The following CYFIP1 variants were observed in gnomAD, a reference collection of about 807,000 sequenced individuals.
The protein encoded by CYFIP1 is cytoplasmic FMR1 interacting protein 1.
A neutral mutation model predicts 163.5 loss-of-function variants in CYFIP1; 58 were observed. The ratio of observed to expected loss-of-function variants is 0.35; its 90% CI spans 0.29 to 0.44. CYFIP1 has a LOEUF of 0.44. Ranked by LOEUF, CYFIP1 falls within the 20% of genes least tolerant of loss-of-function variation. The pLI is 1.00. For synonymous variants in CYFIP1, 663 were observed against 660.7 expected (o/e 1.00, Z -0.05); for missense variants, 1,338 against 1,653.8 (o/e 0.81, Z 3.31).
intron 12 of CYFIP1, among the ~76,000 whole-genome samples, chr15:22,927,571 C>T (rs977847958): frequency 3.3e-5 from 5 of 150,766 alleles, no homozygotes; most frequent in South Asian, 2.1e-4. Flanking sequence ...GCAGAAGGAT[C>T]GCTTGGGGTG....
intron 1 of CYFIP1, among the ~76,000 whole-genome samples, chr15:22,969,787 G>C (rs931782511): frequency 6.6e-6 from 1 of 152,070 alleles, no homozygotes; most frequent in East Asian, 1.9e-4. Flanking sequence ...AAAAATACAA[G>C]TACGGTGAAA....
Position 22,873,235 on chromosome 15 carries a change from A to T in CYFIP1, c.3449+256T>A, listed in dbSNP as rs4354899. Among the ~76,000 whole-genome samples the T allele has an allele frequency of 1.6e-3, 243 of 151,908 alleles. 9 individuals carry two copies. In the East Asian group the frequency reaches 0.042, roughly 26 times the overall value. On this transcript the variant is annotated intron_variant, in intron 29 of 30. Transcript: ENST00000617928. ...CCCTCTGTGATGAATGACTCTATGG[A>T]CCTCCCACCTAGAAAAATGCACGCC...
rs149188482 is a variant in CYFIP1, at chr15:22,946,670, C to T, written c.207+333G>A. 263 of 426,742 alleles carry T rather than the reference C, an allele frequency of 6.2e-4. 2 individuals carry two copies. Among genetic ancestry groups the T allele is most frequent in the African/African-American group, 4.4e-3 (216 of 49,376 alleles). The allele number at this position is 426,742 out of a possible 1,614,324, so 26.4% of individuals were successfully genotyped here. A position where few individuals can be genotyped will look rare whatever the true frequency, so the allele number is the denominator to read the frequency against. On this transcript the variant is annotated intron_variant, in intron 3 of 30. Coordinates refer to ENST00000617928, the MANE Select transcript of CYFIP1 (RefSeq NM_014608.6). ...AAAAAGCAGAACTATAATAACAATG[C>T]AATTCATTTATAAATCTAAATCTCA...
At chr15:22,964,122 A>C (rs947291063) in intron 1 of CYFIP1, among the ~76,000 whole-genome samples, 2 of 151,748 alleles carry the variant, frequency 1.3e-5, no homozygotes, top group African/African-American at 2.4e-5. Flanking sequence ...GGAATGGTTA[A>C]ATCGAGCTAT....
chr15:22,910,756 A>T lies in CYFIP1; in HGVS notation c.2140T>A (p.Tyr714Asn), dbSNP rs772097832. 1 of 1,613,750 alleles carries T rather than the reference A, an allele frequency of 6.2e-7. No homozygotes were observed. Among genetic ancestry groups the T allele is most frequent in the Non-Finnish European group, 8.5e-7 (1 of 1,179,720 alleles). ...YKLADQIFAY[Y>N]KVMAGSLLLD... ...ACTCACCTTCCTGCCATAACCTTAT[A>T]ATAGGCAAATATCTGGTCTGCTAGC... Residue 714 changes from tyrosine to asparagine, a missense_variant, in exon 19 of 31, where the codon TAT becomes AAT. Transcript: ENST00000617928.
chr15:22,879,086 A>G lies in CYFIP1; in HGVS notation c.3042+827T>C, dbSNP rs2059672303. 2.0e-5 allele frequency among the ~76,000 whole-genome samples: 3 copies of G among 151,988 alleles called. No individual in the cohort carries two copies. In the South Asian group the frequency reaches 6.2e-4, roughly 32 times the overall value. ...GGGAGGCGGAGCTTGCAGTGAGCCA[A>G]CATCACGCCACTGCACTCCAGCCGG... On this transcript the variant is annotated intron_variant, in intron 26 of 30. Coordinates refer to ENST00000617928, the MANE Select transcript of CYFIP1 (RefSeq NM_014608.6).
At chr15:22,878,836 T>C (rs9672793) in intron 26 of CYFIP1, among the ~76,000 whole-genome samples, 3,438 of 152,054 alleles carry the variant, frequency 0.023, 138 homozygotes, top group African/African-American at 0.077. Flanking sequence ...GAATGAGCTG[T>C]AGAAAAATAG....
chr15:22,907,644 C>T (rs532713967), intron 21 of CYFIP1, among the ~76,000 whole-genome samples: 11 of 152,360 alleles, frequency 7.2e-5, no homozygotes, highest in African/African-American at 2.4e-4. Context: ...CCAATGACCA[C>T]GCACTGGAGA....
At chr15:22,904,009 TGCACGGAG>T in intron 21 of CYFIP1, 104 bp from the exon 22 acceptor site, 1 of 1,079,848 alleles carries the variant, frequency 9.3e-7, no homozygotes, top group Non-Finnish European at 1.4e-6. Context: ...CTGGCAGGGC[TGCACGGAG>T]GCAGCCCCCA....
chr15:22,882,000 G>A (rs983839902), intron 24 of CYFIP1, 64 bp from the exon 25 acceptor site: 30 of 1,413,738 alleles, frequency 2.1e-5, no homozygotes, highest in African/African-American at 1.4e-4. Flanking sequence ...GCCTGTGGCC[G>A]GCGCATACCC....
At chr15:22,947,859 C>T (rs963621690) in intron 1 of CYFIP1, 1 of 843,524 alleles carries the variant, frequency 1.2e-6, no homozygotes, top group African/African-American at 1.8e-5. Flanking sequence ...AAGTGCCACA[C>T]CGCAGCTGGA....
At chr15:22,959,808 G>T (rs968320596) in intron 1 of CYFIP1, among the ~76,000 whole-genome samples, 1 of 152,190 alleles carries the variant, frequency 6.6e-6, no homozygotes, top group Non-Finnish European at 1.5e-5. Context: ...CAGCCTCTCA[G>T]GTTCTCCTCT....
intron 3 of CYFIP1, among the ~76,000 whole-genome samples, chr15:22,945,479 C>T (rs1471930348): frequency 1.3e-5 from 2 of 152,214 alleles, no homozygotes; most frequent in African/African-American, 4.8e-5. Context: ...TGCTGTAAAA[C>T]TGCTTTTGCT....
intron 1 of CYFIP1, among the ~76,000 whole-genome samples, chr15:22,948,184 A>G (rs1567016900): frequency 6.6e-6 from 1 of 152,160 alleles, no homozygotes; most frequent in Non-Finnish European, 1.5e-5. Context: ...GAAGCTCTCC[A>G]GGGACCCAGG....
intron 23 of CYFIP1, among the ~76,000 whole-genome samples, chr15:22,889,969 G>A (rs2060028451): frequency 6.6e-6 from 1 of 152,066 alleles, no homozygotes; most frequent in African/African-American, 2.4e-5. Flanking sequence ...ATCCTTTAAA[G>A]AAACATCCTT....
rs114650489 is a variant in CYFIP1 at position 22,936,097 on chromosome 15, T to G, written c.900+1007A>C. Among the ~76,000 whole-genome samples the G allele has an allele frequency of 2.4e-3, 367 of 152,066 alleles. 3 individuals are homozygous for G. Among genetic ancestry groups the G allele is most frequent in the Middle Eastern group, 0.02 (6 of 294 alleles). On this transcript the variant is annotated intron_variant, in intron 9 of 30. Coordinates refer to ENST00000617928, the MANE Select transcript of CYFIP1 (RefSeq NM_014608.6). ...GACCAGCCTGGGCAACATAGGGAGA[T>G]CTCGTTGCTACTAAAAGTTTAAAAA...
At chr15:22,963,956 C>T (rs1457689350) in intron 1 of CYFIP1, among the ~76,000 whole-genome samples, 2 of 151,990 alleles carry the variant, frequency 1.3e-5, no homozygotes, top group African/African-American at 4.8e-5. Context: ...TGCAAAAGAG[C>T]TGGGTTTTGT....
chr15:22,931,245 C>T (rs1490232138), intron 11 of CYFIP1, among the ~76,000 whole-genome samples: 2 of 152,178 alleles, frequency 1.3e-5, no homozygotes, highest in Admixed American at 6.5e-5. Context: ...CCCTAAAACC[C>T]GCAGTCCCTG....
At chr15:22,880,153 G>C in intron 25 of CYFIP1, 110 bp from the exon 26 acceptor site, 1 of 1,448,070 alleles carries the variant, frequency 6.9e-7, no homozygotes, top group Non-Finnish European at 9.6e-7. Context: ...ATCAAGCCTG[G>C]CTATAAGGAC....
Sources: gnomAD v4.1 joint callset for allele counts (sites outside exome capture counted in the v4.1 genomes callset) on GRCh38, gnomAD v4.1.1 for gene constraint, MANE v1.5 for transcripts, NCBI Gene and HGNC (gene_info 2026-07-23, HGNC 2026-07-21) for gene names.